The following NPR3 variants were observed in gnomAD, a reference collection of about 807,000 sequenced individuals.
The protein encoded by NPR3 is atrial natriuretic peptide receptor 3.
NPR3 carries 34 observed loss-of-function variants against 54.5 expected under a neutral mutation model. The ratio of observed to expected loss-of-function variants is 0.62; its 90% CI spans 0.47 to 0.83. NPR3 has a LOEUF of 0.83. Ranked by LOEUF, NPR3 falls within the 40% of genes least tolerant of loss-of-function variation. The probability of loss-of-function intolerance (pLI) is 0.00; values close to 1 mark genes in which losing one functional copy is unlikely to be tolerated. For synonymous variants in NPR3, 289 were observed against 297.1 expected (o/e 0.97, Z 0.28); for missense variants, 674 against 720.8 (o/e 0.94, Z 0.74).
At chr5:32,770,002 T>G (rs1741670141) in intron 3 of NPR3, among the ~76,000 whole-genome samples, 1 of 152,204 alleles carries the variant, frequency 6.6e-6, no homozygotes, top group Non-Finnish European at 1.5e-5. Context: ...AGGATTTCTA[T>G]TCAGCTCTCC....
intron 1 of NPR3, among the ~76,000 whole-genome samples, chr5:32,702,663 G>A (rs1357453333): frequency 6.6e-6 from 1 of 151,996 alleles, no homozygotes; most frequent in African/African-American, 2.4e-5. Context: ...GTCTGTCATT[G>A]TTGGACATTT....
intron 1 of NPR3, among the ~76,000 whole-genome samples, chr5:32,717,548 T>G (rs944740868): frequency 2.6e-5 from 4 of 152,234 alleles, no homozygotes; most frequent in Middle Eastern, 3.2e-3. Flanking sequence ...ATTGCCATTC[T>G]AACTGGCATG....
intron 3 of NPR3, among the ~76,000 whole-genome samples, chr5:32,756,807 C>T (rs1164897970): frequency 6.6e-6 from 1 of 152,198 alleles, no homozygotes; most frequent in African/African-American, 2.4e-5. Context: ...GATCCAGTTT[C>T]AGCTTTCTAC....
intron 3 of NPR3, among the ~76,000 whole-genome samples, chr5:32,769,791 C>G (rs1741657167): frequency 6.6e-6 from 1 of 152,202 alleles, no homozygotes; most frequent in South Asian, 2.1e-4. Context: ...AGAGCTAGAC[C>G]ACTCTCACTT....
Position 32,790,861 on chromosome 5 carries a change from G to T in NPR3, c.*4516G>T, listed in dbSNP as rs1311453918. The T allele has an allele frequency of 6.0e-6, 1 of 167,052 alleles. No homozygotes were observed. The highest frequency in any genetic ancestry group is 2.4e-5 in the African/African-American group (1 of 41,436). The allele number at this position is 167,052 out of a possible 1,614,324, so 10.3% of individuals were successfully genotyped here. ...TATAATAGCTCTGTGATATATCAGT[G>T]GGAGATGATTCATAGGGGAGAGATT... On this transcript the variant is annotated 3_prime_UTR_variant, in exon 8 of 8. Transcript: ENST00000265074.
At chr5:32,779,699 C>G (rs1230585378) in intron 4 of NPR3, among the ~76,000 whole-genome samples, 1 of 152,190 alleles carries the variant, frequency 6.6e-6, no homozygotes, top group East Asian at 1.9e-4. Flanking sequence ...TTCACTGAGT[C>G]CTCCCTGATT....
At position 32,780,776 on chromosome 5, in the gene NPR3, C is replaced by T. The variant is rs767416032; in HGVS notation, c.1250C>T (p.Ser417Phe). Residue 417 changes from serine to phenylalanine, a missense_variant, in exon 5 of 8, where the codon TCT becomes TTT. Coordinates refer to ENST00000265074, the MANE Select transcript of NPR3 (RefSeq NM_001204375.2). Reference protein sequence around the residue: ...DANGDRYGDFSVIAMTDVEAG... With the variant: ...DANGDRYGDFFVIAMTDVEAG... ...AACGGAGACCGATATGGGGATTTCT[C>T]TGTGATTGCCATGACTGATGTGGAG... The T allele has an allele frequency of 3.7e-5, 59 of 1,601,184 alleles. No individual in the cohort carries two copies. Among genetic ancestry groups the T allele is most frequent in the Non-Finnish European group, 4.9e-5 (57 of 1,168,376 alleles).
rs1202238772 is a variant in NPR3 at position 32,712,163 on chromosome 5, C to T, written c.387C>T (p.Asp129=). Reference sequence around the variant, plus strand: ...CGGCGGCGCGGGGCGCCAAGCCAGACCTTATCCTGGGGCCAGTGTGCGAGT... The same window carrying T: ...CGGCGGCGCGGGGCGCCAAGCCAGATCTTATCCTGGGGCCAGTGTGCGAGT... The part of the protein sequence containing the change: ...RVAAARGAKP[D]LILGPVCEYA... The change falls in exon 1 of 8, where the codon GAC becomes GAT. Residue 129 remains aspartate (D), a synonymous_variant. Transcript: ENST00000265074. The T allele has an allele frequency of 6.2e-7, 1 of 1,613,210 alleles. No individual in the cohort carries two copies. Among genetic ancestry groups the T allele is most frequent in the African/African-American group, 1.3e-5 (1 of 74,934 alleles).
intron 1 of NPR3, among the ~76,000 whole-genome samples, chr5:32,694,764 AC>A (rs1028739570): frequency 6.6e-6 from 1 of 152,174 alleles, no homozygotes; most frequent in Non-Finnish European, 1.5e-5. Flanking sequence ...GACTGTAGCC[AC>A]CCTGTGGTGC....
At chr5:32,765,256 C>T (rs1301513574) in intron 3 of NPR3, among the ~76,000 whole-genome samples, 2 of 152,040 alleles carry the variant, frequency 1.3e-5, no homozygotes, top group Admixed American at 6.6e-5. Flanking sequence ...TGGTCAAGAG[C>T]AAAGAAGTAT....
At chr5:32,710,742 C>G (rs1738165525), upstream of NPR3, 1 of 1,547,746 alleles carries the variant, frequency 6.5e-7, no homozygotes, top group Non-Finnish European at 8.7e-7. Context: ...GTGCTCGCCC[C>G]GCGTCGGTGC....
At chr5:32,710,892 A>ATGTGTG (rs1172730482), upstream of NPR3, 2 of 850,158 alleles carry the variant, frequency 2.4e-6, no homozygotes, top group Non-Finnish European at 3.1e-6. Flanking sequence ...GTGTGTGTGT[A>ATGTGTG]TATGTGTGTG....
chr5:32,775,284 A>T lies in NPR3; in HGVS notation c.1195+441A>T, dbSNP rs557683525. On this transcript the variant is annotated intron_variant, in intron 4 of 7. Transcript: ENST00000265074. ...TTGAGATGATTAGCAGGTTCAATTG[A>T]GGCCTCTGCATTTTTTTTTTTTTTT... Among the ~76,000 whole-genome samples, 38 of 139,498 alleles carry T rather than the reference A, an allele frequency of 2.7e-4. No homozygotes were observed. The South Asian group carries it at 9.0e-3, about 33-fold the overall frequency. 91.5% of individuals were successfully genotyped at this position (139,498 alleles called of 152,430 possible).
At position 32,711,825 on chromosome 5, in the gene NPR3, T is replaced by A; in HGVS notation, c.49T>A (p.Trp17Arg). Residue 17 changes from tryptophan (W) to arginine (R), a missense_variant, in exon 1 of 8, where the codon TGG (tryptophan) becomes AGG (arginine). Trp to Arg is a moderately radical substitution (Grantham distance 101). Coordinates refer to ENST00000265074, the MANE Select transcript of NPR3 (RefSeq NM_001204375.2). ...TTTCTCCCCGTGCGTACTACTCGGC[T>A]GGGCGTTGCTGGCCGGCGGCACCGG... Reference protein sequence around the residue: ...LTFSPCVLLGWALLAGGTGGG... With the variant: ...LTFSPCVLLGRALLAGGTGGG... 2.7e-6 allele frequency: 4 copies of A among 1,458,314 alleles called. No individual in the cohort carries two copies. Among genetic ancestry groups the A allele is most frequent in the Non-Finnish European group, 3.6e-6 (4 of 1,106,804 alleles). The allele number at this position is 1,458,314 out of a possible 1,614,324, so 90.3% of individuals were successfully genotyped here. A position where few individuals can be genotyped will look rare whatever the true frequency, so the allele number is the denominator to read the frequency against.
At chr5:32,758,963 G>A (rs1410994874) in intron 3 of NPR3, among the ~76,000 whole-genome samples, 2 of 152,192 alleles carry the variant, frequency 1.3e-5, no homozygotes, top group South Asian at 2.1e-4. Context: ...ACTGTGGTCC[G>A]AGAGACAGTT....
chr5:32,730,490 A>T (rs1246664521), intron 2 of NPR3, among the ~76,000 whole-genome samples: 2 of 152,202 alleles, frequency 1.3e-5, no homozygotes, highest in African/African-American at 4.8e-5. Context: ...CAGGGCAAGA[A>T]ATGAAAATAA....
intron 3 of NPR3, among the ~76,000 whole-genome samples, chr5:32,754,981 C>T (rs1166987808): frequency 2.0e-5 from 3 of 152,180 alleles, no homozygotes; most frequent in African/African-American, 7.2e-5. Context: ...CTGCCTCAGC[C>T]TCCTGAGTAG....
intron 3 of NPR3, among the ~76,000 whole-genome samples, chr5:32,773,501 T>A (rs1034955731): frequency 1.3e-5 from 2 of 152,144 alleles, no homozygotes; most frequent in African/African-American, 2.4e-5. Context: ...ACCCTGTTTC[T>A]CCTGCTCCCA....
Position 32,786,306 on chromosome 5 carries a change from A to T in NPR3, c.1587A>T (p.Leu529Phe). Residue 529 changes from leucine (L) to phenylalanine (F), a missense_variant, in exon 8 of 8, where the codon TTA becomes TTT. Coordinates refer to ENST00000265074, the MANE Select transcript of NPR3 (RefSeq NM_001204375.2). Reference sequence around the variant, plus strand: ...GTAACCTTGGAAAACATCGGGAATTACGGGAAGATTCCATCAGATCCCATT... The same window carrying T: ...GTAACCTTGGAAAACATCGGGAATTTCGGGAAGATTCCATCAGATCCCATT... ...EESNLGKHRE[L>F]REDSIRSHFS... is the part of the protein sequence containing the mutation. 6.3e-7 allele frequency: 1 copy of T among 1,587,932 alleles called. No homozygotes were observed. The highest frequency in any genetic ancestry group is 8.6e-7 in the Non-Finnish European group (1 of 1,160,154).
Sources: allele counts gnomAD v4.1 joint callset (sites outside exome capture counted in the v4.1 genomes callset), GRCh38; gene constraint gnomAD v4.1.1; transcripts MANE v1.5; gene names NCBI Gene and HGNC (gene_info 2026-07-23, HGNC 2026-07-21).